DOCK2: variants seen among roughly 807,000 people sequenced by gnomAD.
DOCK2 encodes dedicator of cytokinesis protein 2.
In DOCK2, 87 loss-of-function variants were observed where a neutral mutation model predicts 248.9. The ratio of observed to expected loss-of-function variants is 0.35; its 90% CI spans 0.29 to 0.42. The LOEUF is 0.42. Among genes scored for constraint, DOCK2 ranks in the 10% least tolerant of loss-of-function variants. DOCK2 has a pLI of 1.00. For synonymous variants in DOCK2, 805 were observed against 821.6 expected (o/e 0.98, Z 0.35); for missense variants, 1,747 against 2,300.2 (o/e 0.76, Z 4.92).
At chr5:169,877,977 T>C (rs1323156030) in intron 27 of DOCK2, among the ~76,000 whole-genome samples, 1 of 152,158 alleles carries the variant, frequency 6.6e-6, no homozygotes, top group African/African-American at 2.4e-5. Context: ...TCTTATTATT[T>C]TCCTTTAAAA....
At chr5:170,081,543 C>G in intron 50 of DOCK2, 1 of 376,644 alleles carries the variant, frequency 2.7e-6, no homozygotes, top group East Asian at 5.2e-5. Flanking sequence ...TCACACTGTC[C>G]CCTGCCTTGG....
At chr5:169,948,664 A>G (rs375301962) in intron 27 of DOCK2, among the ~76,000 whole-genome samples, 1 of 144,574 alleles carries the variant, frequency 6.9e-6, no homozygotes, top group African/African-American at 2.6e-5. Context: ...CCCAGGCTGG[A>G]GTGCAGTGGT....
At chr5:169,857,872 T>G (rs1454590088) in intron 27 of DOCK2, among the ~76,000 whole-genome samples, 1 of 152,216 alleles carries the variant, frequency 6.6e-6, no homozygotes, top group East Asian at 1.9e-4. Flanking sequence ...TATTCTCAAT[T>G]AAAAAGATAA....
Position 170,008,510 on chromosome 5 carries a change from A to G in DOCK2, c.3086A>G (p.Tyr1029Cys), listed in dbSNP as rs1423057731. ...TTTCATTTACAGCTGTGGAACAACT[A>G]TTTTCATCTGGCAGTGGCTTTTATC... ...TNFEFQLWNNYFHLAVAFITQ... is the reference protein window; with the variant it reads ...TNFEFQLWNNCFHLAVAFITQ... Residue 1029 changes from tyrosine to cysteine, a missense_variant, in exon 31 of 52, where the codon TAT becomes TGT. By Grantham distance (194) the Tyr-to-Cys change is radical. Around this residue, in one of 4 missense-constraint regions of DOCK2, gnomAD observed 858 missense variants for 1,183.5 expected, o/e 0.72. Transcript: ENST00000520908. 2 of 1,613,926 alleles carry G rather than the reference A, an allele frequency of 1.2e-6. No homozygotes were observed. Among genetic ancestry groups the G allele is most frequent in the Non-Finnish European group, 1.7e-6 (2 of 1,179,954 alleles).
In DOCK2 at chr5:169,958,094, G is replaced by T. The variant is rs376983663; in HGVS notation, c.2800-24974G>T. ...TGTGTGGAACCAAGCAAACATGAGT[G>T]CAAGTGTGAAACATGACGTCCACAT... On this transcript the variant is annotated intron_variant, in intron 27 of 51. Transcript: ENST00000520908. Among the ~76,000 whole-genome samples the T allele has an allele frequency of 1.9e-3, 282 of 152,276 alleles. 6 individuals carry two copies. The South Asian group carries it at 0.049, about 26-fold the overall frequency.
intron 27 of DOCK2, among the ~76,000 whole-genome samples, chr5:169,858,944 T>A (rs1297336886): frequency 6.6e-6 from 1 of 151,952 alleles, no homozygotes; most frequent in African/African-American, 2.4e-5. Context: ...AGCCTAGGAG[T>A]TTTAGGCTGC....
intron 30 of DOCK2, among the ~76,000 whole-genome samples, chr5:170,005,679 T>C (rs1321373798): frequency 6.6e-6 from 1 of 152,144 alleles, no homozygotes; most frequent in Non-Finnish European, 1.5e-5. Flanking sequence ...CTTGTGAATA[T>C]ACTAGAAACT....
At chr5:169,665,553 T>C (rs1295543630) in intron 2 of DOCK2, among the ~76,000 whole-genome samples, 1 of 152,222 alleles carries the variant, frequency 6.6e-6, no homozygotes, top group Non-Finnish European at 1.5e-5. Context: ...AATCCCTTTT[T>C]ACCCCTCCTC....
intron 25 of DOCK2, among the ~76,000 whole-genome samples, chr5:169,795,265 G>A (rs13163565): frequency 0.12 from 18,616 of 152,110 alleles, 1,437 homozygotes; most frequent in Non-Finnish European, 0.17. Context: ...AGGATTTACC[G>A]CCTAACTATA....
rs759768829 is a variant in DOCK2 at position 170,047,659 on chromosome 5, C to G, written c.4071+45C>G. ...GGACACCAGGCGAGAGCCCCAGGGC[C>G]TCGGCATCTCAGCGGTCCTTCTATG... On this transcript the variant is annotated intron_variant, in intron 40 of 51. Coordinates refer to ENST00000520908, the MANE Select transcript of DOCK2 (RefSeq NM_004946.3). The G allele has an allele frequency of 2.9e-5, 45 of 1,553,014 alleles. No individual in the cohort carries two copies. The Admixed American group carries it at 7.6e-4, about 26-fold the overall frequency.
intron 22 of DOCK2, among the ~76,000 whole-genome samples, chr5:169,742,944 G>T (rs929940915): frequency 2.0e-5 from 3 of 152,154 alleles, no homozygotes; most frequent in African/African-American, 7.2e-5. Context: ...AGGGCCTTAG[G>T]GCCCTTCAAT....
intron 22 of DOCK2, among the ~76,000 whole-genome samples, chr5:169,746,959 G>A (rs1200960801): frequency 6.6e-6 from 1 of 152,222 alleles, no homozygotes; most frequent in African/African-American, 2.4e-5. Context: ...AAAACAGGTT[G>A]TTGGGGCTCA....
At chr5:169,901,858 G>A (rs975241145) in intron 27 of DOCK2, among the ~76,000 whole-genome samples, 1 of 152,194 alleles carries the variant, frequency 6.6e-6, no homozygotes, top group East Asian at 1.9e-4. Flanking sequence ...GCTTGCATCT[G>A]TTGGAGAAGA....
rs1403300045 is a variant in DOCK2 at position 169,702,379 on chromosome 5, T to A, written c.1335T>A (p.Asn445Lys). Residue 445 changes from asparagine (N) to lysine (K), a missense_variant, in exon 14 of 52, where the codon AAT becomes AAA. By Grantham distance (94) the Asn-to-Lys change is moderately conservative. Around this residue, in one of 4 missense-constraint regions of DOCK2, gnomAD observed 858 missense variants for 1,183.5 expected, o/e 0.72. Coordinates refer to ENST00000520908, the MANE Select transcript of DOCK2 (RefSeq NM_004946.3). The part of the protein sequence containing the change: ...FDKYNKTTQR[N>K]VEVIMCVCAE... ...AGTACAACAAGACCACACAGAGGAA[T>A]GTGGAAGTCATCATGTGTGTGTGCG... The A allele has an allele frequency of 6.2e-7, 1 of 1,613,990 alleles. No homozygotes were observed. Among genetic ancestry groups the A allele is most frequent in the South Asian group, 1.1e-5 (1 of 91,086 alleles).
chr5:169,838,567 C>T (rs1769736838), intron 26 of DOCK2, among the ~76,000 whole-genome samples: 1 of 152,094 alleles, frequency 6.6e-6, no homozygotes, highest in African/African-American at 2.4e-5. Context: ...AGAAGGAAAT[C>T]AGGAGAGAGG....
chr5:170,042,417 T>C (rs760104772), intron 38 of DOCK2, among the ~76,000 whole-genome samples: 2 of 152,208 alleles, frequency 1.3e-5, no homozygotes, highest in Non-Finnish European at 2.9e-5. Context: ...TCATAAAGCA[T>C]AGATTGGATT....
Position 170,033,427 on chromosome 5 carries a change from C to G in DOCK2, c.3468-972C>G, listed in dbSNP as rs1317461382. Among the ~76,000 whole-genome samples, 5 of 152,080 alleles carry G rather than the reference C, an allele frequency of 3.3e-5. No individual in the cohort carries two copies. In the East Asian group the frequency reaches 7.7e-4, roughly 23 times the overall value. ...AATAGAAAAATGGAGGCTTTTCTTTCCTATTTTCCCACCTAAAGCCTTGTT... is the reference window on the plus strand; with the variant it reads ...AATAGAAAAATGGAGGCTTTTCTTTGCTATTTTCCCACCTAAAGCCTTGTT... On this transcript the variant is annotated intron_variant, in intron 34 of 51. Transcript: ENST00000520908.
At chr5:169,754,949 T>TTATTTATC (rs1191149957) in intron 23 of DOCK2, among the ~76,000 whole-genome samples, 115 of 151,318 alleles carry the variant, frequency 7.6e-4, no homozygotes, top group Non-Finnish European at 1.5e-3. Flanking sequence ...ATTTATTTAT[T>TTATTTATC]TATTTTTGAG....
chr5:170,023,460 T>C (rs1195257276), intron 33 of DOCK2, among the ~76,000 whole-genome samples: 2 of 152,180 alleles, frequency 1.3e-5, no homozygotes, highest in African/African-American at 4.8e-5. Context: ...GGTACTGTTG[T>C]TTGGATTCAG....
Sources: gnomAD v4.1 joint callset for allele counts (sites outside exome capture counted in the v4.1 genomes callset) on GRCh38, gnomAD v4.1.1 for gene constraint, gnomAD v4.1.1 regional missense constraint, MANE v1.5 for transcripts, NCBI Gene and HGNC (gene_info 2026-07-23, HGNC 2026-07-21) for gene names.